The following KPNA6 variants were observed in gnomAD, a reference collection of about 807,000 sequenced individuals.
The protein encoded by KPNA6 is importin subunit alpha-7.
A neutral mutation model predicts 72.0 loss-of-function variants in KPNA6; 9 were observed. The ratio of observed to expected loss-of-function variants is 0.13; its 90% CI spans 0.08 to 0.22. The LOEUF is 0.22. Among genes scored for constraint, KPNA6 ranks in the 10% least tolerant of loss-of-function variants. The pLI is 1.00. For missense variants in KPNA6, 374 were observed against 655.7 expected, an observed-to-expected ratio of 0.57 and a Z score of 4.69; for synonymous variants, 219 against 242.1, an observed-to-expected ratio of 0.90 and a Z score of 0.89.
intron 2 of KPNA6, among the ~76,000 whole-genome samples, chr1:32,155,212 A>G (rs1344558976): frequency 6.6e-6 from 1 of 151,742 alleles, no homozygotes; most frequent in African/African-American, 2.4e-5. Context: ...TTTGAGAAAG[A>G]GAAAACTGAC....
At chr1:32,156,412 T>G (rs1642143601) in intron 2 of KPNA6, among the ~76,000 whole-genome samples, 1 of 152,226 alleles carries the variant, frequency 6.6e-6, no homozygotes, top group Non-Finnish European at 1.5e-5. Context: ...CTCTTGCACT[T>G]TGTGGCTATT....
intron 1 of KPNA6, 80 bp downstream of exon 1, chr1:32,108,214 G>GCCAAA: frequency 6.3e-7 from 1 of 1,589,438 alleles, no homozygotes. Context: ...CCTGTCTCCG[G>GCCAAA]TCTGCGGAAG....
chr1:32,166,274 A>G (rs1642336293), intron 11 of KPNA6, 44 bp downstream of exon 11: 2 of 1,574,974 alleles, frequency 1.3e-6, no homozygotes, highest in Non-Finnish European at 1.7e-6. Context: ...AGTCATAGGA[A>G]CTTGGGAGGT....
chr1:32,138,222 A>G (rs766768517), intron 1 of KPNA6, among the ~76,000 whole-genome samples: 13 of 152,048 alleles, frequency 8.5e-5, no homozygotes, highest in Non-Finnish European at 1.8e-4. Flanking sequence ...TGTTTTGACA[A>G]TAGGGATTTC....
chr1:32,143,769 C>G (rs1641883719), intron 1 of KPNA6, among the ~76,000 whole-genome samples: 1 of 152,086 alleles, frequency 6.6e-6, no homozygotes, highest in Non-Finnish European at 1.5e-5. Flanking sequence ...CTATTTTCCT[C>G]TCCTCTTAGC....
intron 2 of KPNA6, among the ~76,000 whole-genome samples, chr1:32,156,252 A>C (rs1013555809): frequency 5.3e-5 from 8 of 152,114 alleles, no homozygotes; most frequent in Admixed American, 2.0e-4. Context: ...CTCTTTGTGG[A>C]ATACATTCCA....
At chr1:32,158,233 C>A in intron 4 of KPNA6, 34 bp from the exon 5 acceptor site, 1 of 1,442,808 alleles carries the variant, frequency 6.9e-7, no homozygotes, top group South Asian at 1.2e-5. Flanking sequence ...AAAAGCTTCT[C>A]CTGTGTTTTT....
At chr1:32,145,936 T>G (rs1017960501) in intron 1 of KPNA6, among the ~76,000 whole-genome samples, 1 of 152,244 alleles carries the variant, frequency 6.6e-6, no homozygotes, top group African/African-American at 2.4e-5. Context: ...ATTCTGTTAC[T>G]GATTTCTAGC....
At chr1:32,165,051 A>G (rs1202640745) in intron 10 of KPNA6, among the ~76,000 whole-genome samples, 4 of 151,890 alleles carry the variant, frequency 2.6e-5, no homozygotes, top group Non-Finnish European at 5.9e-5. Flanking sequence ...GGCATGCACC[A>G]TCATGCCTAG....
At chr1:32,120,247 A>ATT (rs1430437938) in intron 1 of KPNA6, among the ~76,000 whole-genome samples, 9 of 141,768 alleles carry the variant, frequency 6.3e-5, no homozygotes, top group African/African-American at 1.3e-4. Flanking sequence ...TTAAATGTTA[A>ATT]TTTTTTTTTT....
intron 1 of KPNA6, among the ~76,000 whole-genome samples, chr1:32,119,104 C>G (rs1339290751): frequency 2.8e-5 from 4 of 144,648 alleles, no homozygotes; most frequent in Non-Finnish European, 6.0e-5. Context: ...TATCTCAGCT[C>G]ACTGCAACCT....
chr1:32,165,638 G>A (rs946924026), intron 10 of KPNA6, among the ~76,000 whole-genome samples: 1 of 152,070 alleles, frequency 6.6e-6, no homozygotes, highest in Non-Finnish European at 1.5e-5. Context: ...GGAGGTCAAG[G>A]CTGCAGTAAG....
chr1:32,167,998 A>G (rs1196867677), intron 12 of KPNA6, among the ~76,000 whole-genome samples: 2 of 152,138 alleles, frequency 1.3e-5, no homozygotes, highest in African/African-American at 4.8e-5. Flanking sequence ...ACTTTGTCTC[A>G]TGTGTACAAA....
At chr1:32,135,637 T>G (rs1178401551) in intron 1 of KPNA6, among the ~76,000 whole-genome samples, 1 of 151,210 alleles carries the variant, frequency 6.6e-6, no homozygotes, top group Non-Finnish European at 1.5e-5. Flanking sequence ...TTGGCCATTT[T>G]TTTTTTTTTT....
chr1:32,133,355 A>G (rs898445828), intron 1 of KPNA6, among the ~76,000 whole-genome samples: 4 of 151,458 alleles, frequency 2.6e-5, no homozygotes, highest in African/African-American at 9.7e-5. Context: ...AAAAAAAAAA[A>G]TTGTGGAGGT....
chr1:32,119,033 T>TATATATATATATA (rs1491488662), intron 1 of KPNA6, among the ~76,000 whole-genome samples: 6 of 36,812 alleles, frequency 1.6e-4, no homozygotes, highest in South Asian at 9.2e-4. Context: ...TATATATATA[T>TATATATATATATA]TTTTTTTTTT....
intron 1 of KPNA6, among the ~76,000 whole-genome samples, chr1:32,118,837 C>A (rs1197875990): frequency 6.6e-6 from 1 of 151,082 alleles, no homozygotes; most frequent in East Asian, 1.9e-4. Context: ...AGGATTGTTA[C>A]AGGAATTAAA....
At chr1:32,115,906 G>A (rs1010029008) in intron 1 of KPNA6, among the ~76,000 whole-genome samples, 1 of 151,590 alleles carries the variant, frequency 6.6e-6, no homozygotes, top group Admixed American at 6.6e-5. Flanking sequence ...ACCACATCTG[G>A]CTAATTTTTG....
In KPNA6 at chr1:32,164,677, G is replaced by T. The variant is rs569408010; in HGVS notation, c.990+1364G>T. On this transcript the variant is annotated intron_variant, in intron 10 of 13. Transcript: ENST00000373625. ...TGAGCATCTTTTCATATGCTTATTG[G>T]CCATCTGTGTATTTTTTTTTTTTTT... Among the ~76,000 whole-genome samples the T allele has an allele frequency of 2.7e-5, 4 of 149,456 alleles. No homozygotes were observed. In the East Asian group the frequency reaches 5.8e-4, roughly 22 times the overall value.
Sources: gnomAD v4.1 joint callset for allele counts (sites outside exome capture counted in the v4.1 genomes callset) on GRCh38, gnomAD v4.1.1 for gene constraint, MANE v1.5 for transcripts, NCBI Gene and HGNC (gene_info 2026-07-23, HGNC 2026-07-21) for gene names.